UGT1A9: variants seen among roughly 807,000 people sequenced by gnomAD.
UGT1A9 encodes UDP-glucuronosyltransferase 1A9.
A neutral mutation model predicts 45.0 loss-of-function variants in UGT1A9; 35 were observed. That is an observed-to-expected ratio of 0.78 (90% CI 0.59 to 1.03). UGT1A9 has a LOEUF of 1.03. Among genes scored for constraint, UGT1A9 ranks in the 50% least tolerant of loss-of-function variants. UGT1A9 has a pLI of 0.00. For missense variants in UGT1A9, 687 were observed against 666.6 expected (o/e 1.03, Z -0.34); for synonymous variants, 278 against 250.6 (o/e 1.11, Z -1.03).
At chr2:233,732,759 T>C (rs1404130009) in intron 1 of UGT1A9, among the ~76,000 whole-genome samples, 2 of 151,674 alleles carry the variant, frequency 1.3e-5, no homozygotes, top group Non-Finnish European at 2.9e-5. Context: ...AGCTTTGTTT[T>C]TTTTTTTTTT....
At chr2:233,734,842 C>T (rs1375644897) in intron 1 of UGT1A9, among the ~76,000 whole-genome samples, 1 of 152,178 alleles carries the variant, frequency 6.6e-6, no homozygotes, top group Non-Finnish European at 1.5e-5. Flanking sequence ...GTTTCTTAAT[C>T]CAGAGTTCTA....
intron 1 of UGT1A9, among the ~76,000 whole-genome samples, chr2:233,725,714 T>C (rs572434706): frequency 1.3e-5 from 2 of 152,238 alleles, no homozygotes; most frequent in East Asian, 3.8e-4. Flanking sequence ...GTGACTACCA[T>C]ATGGTCAATG....
intron 1 of UGT1A9, chr2:233,691,746 C>A: frequency 1.7e-6 from 1 of 577,624 alleles, no homozygotes; most frequent in Non-Finnish European, 2.2e-6. Context: ...AGATACCAGG[C>A]TTTCTGACTC....
At chr2:233,691,269 C>T (rs975477136) in intron 1 of UGT1A9, 1 of 985,424 alleles carries the variant, frequency 1.0e-6, no homozygotes, top group African/African-American at 1.7e-5. Context: ...TGCTGCCGCC[C>T]CCATGACTTT....
rs753056825 is a variant in UGT1A9 at position 233,767,178 on chromosome 2, T to C, written c.987+13T>C. 16 of 1,614,056 alleles carry C rather than the reference T, an allele frequency of 9.9e-6. No homozygotes were observed. Among genetic ancestry groups the C allele is most frequent in the Non-Finnish European group, 1.4e-5 (16 of 1,180,000 alleles). On this transcript the variant is annotated intron_variant, in intron 2 of 4. Coordinates refer to ENST00000354728, the MANE Select transcript of UGT1A9 (RefSeq NM_021027.3). ...AATCCCTCAGACAGTAAGAAGATTCTATACCATGGCCTCATATCTATTTTC... is the reference window on the plus strand; with the variant it reads ...AATCCCTCAGACAGTAAGAAGATTCCATACCATGGCCTCATATCTATTTTC...
rs1444148236 is a variant in UGT1A9, at chr2:233,693,985, A to G, written c.855+21196A>G. The G allele has an allele frequency of 3.9e-6, 6 of 1,547,132 alleles. No homozygotes were observed. In the East Asian group the frequency reaches 9.0e-5, roughly 23 times the overall value. Reference sequence around the variant, plus strand: ...ATTTCCTGGAGAAACGGTGGGGGGAAGTGATACCCGGCTCGGAGCAGCGGG... The same window carrying G: ...ATTTCCTGGAGAAACGGTGGGGGGAGGTGATACCCGGCTCGGAGCAGCGGG... On this transcript the variant is annotated intron_variant, in intron 1 of 4. Transcript: ENST00000354728.
At chr2:233,720,640 G>A (rs1212393027) in intron 1 of UGT1A9, among the ~76,000 whole-genome samples, 3 of 151,716 alleles carry the variant, frequency 2.0e-5, no homozygotes, top group Non-Finnish European at 4.4e-5. Context: ...TAGTACTCTG[G>A]GATGTGAAAA....
At chr2:233,712,639 C>T (rs184142486) in intron 1 of UGT1A9, among the ~76,000 whole-genome samples, 30 of 152,228 alleles carry the variant, frequency 2.0e-4, no homozygotes, top group Non-Finnish European at 2.4e-4. Flanking sequence ...TCAGCTGCAG[C>T]CTGATAAACG....
chr2:233,693,069 G>T, intron 1 of UGT1A9: 2 of 1,614,148 alleles, frequency 1.2e-6, no homozygotes, highest in Middle Eastern at 1.6e-4. Context: ...GCACTTTGGG[G>T]CATGGTTGTA....
At chr2:233,758,789 A>G (rs1481427299) in intron 1 of UGT1A9, among the ~76,000 whole-genome samples, 3 of 152,222 alleles carry the variant, frequency 2.0e-5, no homozygotes, top group Admixed American at 6.5e-5. Context: ...CTGTGCAGTT[A>G]TCTTGGAATT....
chr2:233,748,129 T>C, intron 1 of UGT1A9: 1 of 1,610,122 alleles, frequency 6.2e-7, no homozygotes, highest in Non-Finnish European at 8.5e-7. Flanking sequence ...AAACAGTTTT[T>C]AAAAATTGTA....
chr2:233,755,676 G>A (rs1559401147), intron 1 of UGT1A9: 1 of 157,436 alleles, frequency 6.4e-6, no homozygotes, highest in Non-Finnish European at 1.4e-5. Context: ...TGGTGGGAGT[G>A]AGTTTAGTCT....
intron 1 of UGT1A9, chr2:233,693,165 A>G: frequency 2.5e-6 from 4 of 1,614,194 alleles, no homozygotes; most frequent in Non-Finnish European, 3.4e-6. Context: ...GACCGGGGTC[A>G]TGAGATTGTA....
At chr2:233,705,828 A>T (rs968618860) in intron 1 of UGT1A9, among the ~76,000 whole-genome samples, 2 of 152,176 alleles carry the variant, frequency 1.3e-5, no homozygotes, top group Admixed American at 1.3e-4. Flanking sequence ...GGCCGAGCAC[A>T]GTGGCTGGAG....
At chr2:233,757,048 T>G (rs536754863) in intron 1 of UGT1A9, among the ~76,000 whole-genome samples, 1 of 151,428 alleles carries the variant, frequency 6.6e-6, no homozygotes, top group South Asian at 2.1e-4. Flanking sequence ...AAAGGAAGTT[T>G]GGGGAACAGC....
At chr2:233,717,788 T>G (rs2076606522) in intron 1 of UGT1A9, 1 of 456,178 alleles carries the variant, frequency 2.2e-6, no homozygotes, top group African/African-American at 2.0e-5. Flanking sequence ...TTTTGAAATT[T>G]GAAGTAGTGC....
At chr2:233,710,359 A>T (rs1246560621) in intron 1 of UGT1A9, among the ~76,000 whole-genome samples, 1 of 152,246 alleles carries the variant, frequency 6.6e-6, no homozygotes, top group African/African-American at 2.4e-5. Context: ...CAAAGCAGTT[A>T]TACAATTTTA....
intron 1 of UGT1A9, chr2:233,713,612 C>T (rs2076333250): frequency 6.2e-7 from 1 of 1,613,866 alleles, no homozygotes; most frequent in African/African-American, 1.3e-5. Flanking sequence ...ACATGACATT[C>T]CTGCAAAGGG....
rs888574084 is a variant in UGT1A9 at position 233,700,593 on chromosome 2, C to A, written c.855+27804C>A. 9.9e-5 allele frequency among the ~76,000 whole-genome samples: 15 copies of A among 152,184 alleles called. No homozygotes were observed. In the South Asian group the frequency reaches 2.3e-3, roughly 23 times the overall value. Reference sequence around the variant, plus strand: ...TATTATGATGCAATTTATTATGATACAATTCACTCTTTTTTTGGGGGGGTT... The same window carrying A: ...TATTATGATGCAATTTATTATGATAAAATTCACTCTTTTTTTGGGGGGGTT... On this transcript the variant is annotated intron_variant, in intron 1 of 4. Transcript: ENST00000354728.
Sources: gnomAD v4.1 joint callset for allele counts (sites outside exome capture counted in the v4.1 genomes callset) on GRCh38, gnomAD v4.1.1 for gene constraint, MANE v1.5 for transcripts, NCBI Gene and HGNC (gene_info 2026-07-23, HGNC 2026-07-21) for gene names.